Variants in ARSG observed in about 807,000 individuals in gnomAD.
ARSG encodes ASG.
A neutral mutation model predicts 50.5 loss-of-function variants in ARSG; 37 were observed. That is an observed-to-expected ratio of 0.73 (90% confidence interval 0.56 to 0.96). ARSG has a LOEUF of 0.96. ARSG is among the 50% of genes least tolerant of loss of function. The probability of loss-of-function intolerance (pLI) is 0.00; values close to 1 mark genes in which losing one functional copy is unlikely to be tolerated. For missense variants in ARSG, 629 were observed against 675.3 expected (o/e 0.93, Z 0.76); for synonymous variants, 225 against 254.6 (o/e 0.88, Z 1.11).
chr17:68,416,269 T>G (rs2082358841), intron 11 of ARSG, among the ~76,000 whole-genome samples: 1 of 152,194 alleles, frequency 6.6e-6, no homozygotes, highest in Admixed American at 6.5e-5. Context: ...CCTTCTTTCA[T>G]ATATGACGCT....
chr17:68,346,239 G>T (rs904699475), intron 3 of ARSG, among the ~76,000 whole-genome samples: 2 of 151,988 alleles, frequency 1.3e-5, no homozygotes, highest in Non-Finnish European at 2.9e-5. Flanking sequence ...TAGAGCAGTT[G>T]CAGGGAGGGA....
Position 68,271,102 on chromosome 17 carries a change from C to T in ARSG, c.-552+11676C>T. 6.2e-7 allele frequency: 1 copy of T among 1,614,172 alleles called. No homozygotes were observed. The highest frequency in any genetic ancestry group is 8.5e-7 in the Non-Finnish European group (1 of 1,180,038). On this transcript the variant is annotated intron_variant, in intron 1 of 11. Transcript: ENST00000448504. The surrounding 1 kb of genome is among the most constrained non-coding windows in gnomAD (Gnocchi z 5.3). Reference sequence around the variant, plus strand: ...AATGTAAATCTTACGAATGGGCTCCCTGTTGAGGACAAAACCAGCTCCGAT... The same window carrying T: ...AATGTAAATCTTACGAATGGGCTCCTTGTTGAGGACAAAACCAGCTCCGAT...
chr17:68,329,848 G>A (rs1212568862), intron 2 of ARSG, among the ~76,000 whole-genome samples: 1 of 152,140 alleles, frequency 6.6e-6, no homozygotes, highest in Non-Finnish European at 1.5e-5. Context: ...TTTTAAGAAA[G>A]TTTATGAATT....
At chr17:68,297,811 A>G (rs782691602) in intron 1 of ARSG, among the ~76,000 whole-genome samples, 1 of 152,100 alleles carries the variant, frequency 6.6e-6, no homozygotes, top group East Asian at 1.9e-4. Context: ...CTTGCATAGC[A>G]CATTTTTAGT....
chr17:68,363,150 G>A (rs1190860461), intron 6 of ARSG, among the ~76,000 whole-genome samples: 51 of 152,196 alleles, frequency 3.4e-4, no homozygotes, highest in Non-Finnish European at 1.5e-5. Flanking sequence ...TGGCAGGGAT[G>A]GGGGCAGAGA....
chr17:68,307,632 G>A lies in ARSG; in HGVS notation c.139G>A (p.Gly47Arg). The A allele has an allele frequency of 6.2e-7, 1 of 1,613,356 alleles. No homozygotes were observed. The highest frequency in any genetic ancestry group is 1.1e-5 in the South Asian group (1 of 91,068). ...TGTGATTATTTTGGCCGATGACATG[G>A]GGTGGGGTGACCTGGGAGCAAACTG... is the stretch of plus-strand genomic sequence containing the variant. ...NFVIILADDM[G>R]WGDLGANWAE... The change falls in exon 2 of 12, where the codon GGG becomes AGG. Residue 47 changes from glycine (G) to arginine (R), a missense_variant. Physicochemically the swap from Gly to Arg is moderately radical, Grantham distance 125. Transcript: ENST00000621439.
In ARSG at chr17:68,393,427, G is replaced by A. The variant is rs1418723420; in HGVS notation, c.1092-1646G>A. Among the ~76,000 whole-genome samples, 4 of 152,244 alleles carry A rather than the reference G, an allele frequency of 2.6e-5. No homozygotes were observed. The East Asian group carries it at 5.8e-4, about 22-fold the overall frequency. Reference sequence around the variant, plus strand: ...TCTCAGTTATCAGATTGATTGTCGAGATATAGCAGTGCTTGTGTTCCAGTC... The same window carrying A: ...TCTCAGTTATCAGATTGATTGTCGAAATATAGCAGTGCTTGTGTTCCAGTC... On this transcript the variant is annotated intron_variant, in intron 9 of 11. Coordinates refer to ENST00000621439, the MANE Select transcript of ARSG (RefSeq NM_001267727.2).
rs759511090 is a variant in ARSG at position 68,420,506 on chromosome 17, G to A, written c.*43G>A. ...CACGAGGAGGAGTACCTGGAAATTA[G>A]GCAAGTTTGCTTCCAAATTTCATTT... On this transcript the variant is annotated 3_prime_UTR_variant, in exon 12 of 12. Coordinates refer to ENST00000621439, the MANE Select transcript of ARSG (RefSeq NM_001267727.2). 2 of 1,586,276 alleles carry A rather than the reference G, an allele frequency of 1.3e-6. No homozygotes were observed. Among genetic ancestry groups the A allele is most frequent in the Non-Finnish European group, 1.7e-6 (2 of 1,162,322 alleles).
intron 1 of ARSG, among the ~76,000 whole-genome samples, chr17:68,304,893 G>A (rs564407452): frequency 3.3e-5 from 5 of 152,118 alleles, no homozygotes; most frequent in Non-Finnish European, 5.9e-5. Flanking sequence ...TTGCAAATTG[G>A]CTGGATGTGG....
chr17:68,275,824 A>G (rs1555750711), intron 1 of ARSG, among the ~76,000 whole-genome samples: 2 of 151,912 alleles, frequency 1.3e-5, no homozygotes, highest in African/African-American at 2.4e-5. Context: ...TACTATAAAA[A>G]TACAAAAAAT....
In ARSG at chr17:68,385,173, G is replaced by A. The variant is rs751180603; in HGVS notation, c.1091+1G>A. ...ATGTCACCAGCACTGCCTTGTTAAG[G>A]TATGAGACCAAAACTACCTTGAGAT... On this transcript the variant is annotated splice_donor_variant, in intron 9 of 11. Coordinates refer to ENST00000621439, the MANE Select transcript of ARSG (RefSeq NM_001267727.2). LOFTEE classifies it high-confidence loss of function. 1.5e-5 allele frequency: 24 copies of A among 1,613,160 alleles called. No homozygotes were observed. In the South Asian group the frequency reaches 2.6e-4, roughly 18 times the overall value.
downstream of ARSG, chr17:68,424,598 G>A (rs1470943364): frequency 1.7e-5 from 8 of 478,674 alleles, no homozygotes; most frequent in South Asian, 3.3e-5. Context: ...ACTTCCGGCC[G>A]GGTGCGGCGG....
In ARSG at chr17:68,270,533, G is replaced by A. The variant is rs1254247993; in HGVS notation, c.-552+11107G>A. 1.4e-3 allele frequency among the ~76,000 whole-genome samples: 203 copies of A among 146,404 alleles called. 1 individual carries two copies. Among genetic ancestry groups the A allele is most frequent in the Non-Finnish European group, 2.6e-3 (174 of 67,048 alleles). ...TGCGCCACTGCACTCCAGCCTGGGT[G>A]ATAGAGCGAGACTCCATCTCAAAAA... On this transcript the variant is annotated intron_variant, in intron 1 of 11. Coordinates refer to the ARSG transcript ENST00000448504.
intron 10 of ARSG, among the ~76,000 whole-genome samples, chr17:68,398,019 G>A (rs980328173): frequency 1.3e-5 from 2 of 152,126 alleles, no homozygotes; most frequent in South Asian, 4.1e-4. Context: ...TGCCTGCCTC[G>A]GTCTCCCAAA....
intron 1 of ARSG, among the ~76,000 whole-genome samples, chr17:68,264,470 G>A (rs577367705): frequency 1.2e-4 from 18 of 151,424 alleles, no homozygotes; most frequent in Non-Finnish European, 2.2e-4. Context: ...TTGGAGTTTC[G>A]CTCTTGTTGC....
intron 9 of ARSG, among the ~76,000 whole-genome samples, chr17:68,394,046 C>G (rs2081121451): frequency 6.6e-6 from 1 of 151,890 alleles, no homozygotes; most frequent in South Asian, 2.1e-4. Context: ...CATTGTTCAG[C>G]CTTTATTCAC....
intron 5 of ARSG, among the ~76,000 whole-genome samples, chr17:68,352,037 G>A (rs978836664): frequency 6.6e-6 from 1 of 151,580 alleles, no homozygotes; most frequent in Non-Finnish European, 1.5e-5. Context: ...GAGGGAGGGA[G>A]GGAGAGAGCA....
chr17:68,381,244 CCACTT>C lies in ARSG; in HGVS notation c.983-3813_983-3809del, dbSNP rs745331494. ...CCCTGTCTTCATGCATCATAAAATG[CCACTT>C]CACTTCCGTAACCAGAGAAGCACAA... On this transcript the variant is annotated intron_variant, in intron 8 of 11. Transcript: ENST00000621439. The surrounding 1 kb of genome is among the most constrained non-coding windows in gnomAD (Gnocchi z 4.1). Among the ~76,000 whole-genome samples the C allele has an allele frequency of 1.2e-4, 19 of 152,296 alleles. No individual in the cohort carries two copies. The South Asian group carries it at 1.9e-3, about 15-fold the overall frequency.
intron 9 of ARSG, among the ~76,000 whole-genome samples, chr17:68,389,272 C>T (rs72841849): frequency 0.05 from 7,591 of 152,208 alleles, 397 homozygotes; most frequent in East Asian, 0.23. Flanking sequence ...CTGTAAGAAG[C>T]GCTTGGTTTG....
Sources: allele counts gnomAD v4.1 joint callset (sites outside exome capture counted in the v4.1 genomes callset), GRCh38; gene constraint gnomAD v4.1.1; non-coding constraint Gnocchi (gnomAD v3.1); transcripts MANE v1.5; gene names NCBI Gene and HGNC (gene_info 2026-07-23, HGNC 2026-07-21).